The following PIK3C2G variants were observed in gnomAD, a reference collection of about 807,000 sequenced individuals.
PIK3C2G encodes the protein phosphatidylinositol 3-kinase C2 domain-containing subunit gamma.
Under a neutral mutation model 181.1 loss-of-function variants are expected in PIK3C2G, and 168 were observed. The observed-to-expected ratio is 0.93, with a 90% CI of 0.82 to 1.05. The LOEUF (loss-of-function observed/expected upper bound fraction) is 1.05. Ranked by LOEUF, PIK3C2G falls within the 50% of genes least tolerant of loss-of-function variation. PIK3C2G has a pLI of 0.00. For synonymous variants in PIK3C2G, 573 were observed against 592.2 expected, an observed-to-expected ratio of 0.97 and a Z score of 0.47; for missense variants, 1,869 against 1,732.8, an observed-to-expected ratio of 1.08 and a Z score of -1.40.
At chr12:18,613,621 G>A (rs907912637) in intron 31 of PIK3C2G, among the ~76,000 whole-genome samples, 1 of 151,910 alleles carries the variant, frequency 6.6e-6, no homozygotes, top group African/African-American at 2.4e-5. Context: ...AGTATAGATT[G>A]GGCTATCTGC....
At chr12:18,311,317 T>C (rs1333263887) in intron 5 of PIK3C2G, among the ~76,000 whole-genome samples, 3 of 152,034 alleles carry the variant, frequency 2.0e-5, no homozygotes. Flanking sequence ...AAATATAGAA[T>C]ATCCAGTTTT....
chr12:18,273,386 T>C lies in PIK3C2G; in HGVS notation c.-78-8618T>C, dbSNP rs568658094. Among the ~76,000 whole-genome samples, 16 of 152,292 alleles carry C rather than the reference T, an allele frequency of 1.1e-4. No homozygotes were observed. The East Asian group carries it at 2.9e-3, about 28-fold the overall frequency. On this transcript the variant is annotated intron_variant, in intron 1 of 32. Coordinates refer to ENST00000538779, the MANE Select transcript of PIK3C2G (RefSeq NM_001288772.2). ...TTTTGGTTACTGTAGCCTTGTAGTATAGTTTGAAGTCAGGTAGCGTGATGC... is the reference window on the plus strand; with the variant it reads ...TTTTGGTTACTGTAGCCTTGTAGTACAGTTTGAAGTCAGGTAGCGTGATGC...
intron 29 of PIK3C2G, among the ~76,000 whole-genome samples, chr12:18,575,614 G>A (rs1022550831): frequency 2.6e-5 from 4 of 152,142 alleles, no homozygotes; most frequent in African/African-American, 9.6e-5. Context: ...AGCACCTAAG[G>A]AGGTGTACTC....
At chr12:18,461,019 G>A (rs1372006194) in intron 18 of PIK3C2G, among the ~76,000 whole-genome samples, 1 of 151,970 alleles carries the variant, frequency 6.6e-6, no homozygotes, top group African/African-American at 2.4e-5. Context: ...TGATATAGAA[G>A]TGTTAGCCTT....
At chr12:18,577,213 A>T (rs1198256367) in intron 29 of PIK3C2G, among the ~76,000 whole-genome samples, 2 of 152,222 alleles carry the variant, frequency 1.3e-5, no homozygotes, top group African/African-American at 4.8e-5. Flanking sequence ...GAAGCCAGGC[A>T]TGCACAGGCA....
chr12:18,568,169 A>C (rs951511159), intron 29 of PIK3C2G, among the ~76,000 whole-genome samples: 21 of 152,172 alleles, frequency 1.4e-4, no homozygotes, highest in Admixed American at 1.2e-3. Context: ...TAACATATTC[A>C]GTTTCCAGGG....
At chr12:18,426,339 T>A (rs1945815675) in intron 18 of PIK3C2G, among the ~76,000 whole-genome samples, 1 of 152,154 alleles carries the variant, frequency 6.6e-6, no homozygotes, top group Non-Finnish European at 1.5e-5. Context: ...TGTGATTATA[T>A]AATTGAGAGT....
chr12:18,328,898 G>T (rs554659923), intron 8 of PIK3C2G, among the ~76,000 whole-genome samples: 1 of 151,674 alleles, frequency 6.6e-6, no homozygotes, highest in Non-Finnish European at 1.5e-5. Context: ...GGTGGGAAAT[G>T]AGCAAAAAAA....
chr12:18,688,674 T>A, the PIK3C2G span, among the ~76,000 whole-genome samples: 1 of 151,972 alleles, frequency 6.6e-6, no homozygotes, highest in Non-Finnish European at 1.5e-5. Flanking sequence ...AGTTATTTCA[T>A]ATGTATATTA....
downstream of PIK3C2G, among the ~76,000 whole-genome samples, chr12:18,648,742 C>T (rs1364919437): frequency 2.0e-5 from 3 of 152,022 alleles, no homozygotes; most frequent in Admixed American, 2.0e-4. Flanking sequence ...TATCTGTGCA[C>T]ATTATTTTCC....
At chr12:18,706,242 A>AT in the PIK3C2G span, among the ~76,000 whole-genome samples, 1 of 151,084 alleles carries the variant, frequency 6.6e-6, no homozygotes, top group African/African-American at 2.5e-5. Flanking sequence ...AAAAATAAAA[A>AT]TAAAAAAAAA....
intron 31 of PIK3C2G, among the ~76,000 whole-genome samples, chr12:18,633,330 G>A (rs77453141): frequency 0.019 from 2,914 of 152,194 alleles, 119 homozygotes; most frequent in African/African-American, 0.066. Flanking sequence ...TTTGCTATAC[G>A]TACTAAGTGT....
the PIK3C2G span, among the ~76,000 whole-genome samples, chr12:18,692,460 A>G: frequency 6.6e-6 from 1 of 152,194 alleles, no homozygotes; most frequent in Non-Finnish European, 1.5e-5. Flanking sequence ...ACGTTTTGAA[A>G]AGTCTTTACT....
At chr12:18,539,528 T>C (rs1297840163) in intron 25 of PIK3C2G, among the ~76,000 whole-genome samples, 1 of 151,890 alleles carries the variant, frequency 6.6e-6, no homozygotes, top group Admixed American at 6.6e-5. Context: ...TTAATTTTTA[T>C]TAAACAAAAT....
chr12:18,441,884 T>C (rs2135829330), intron 18 of PIK3C2G, among the ~76,000 whole-genome samples: 1 of 152,314 alleles, frequency 6.6e-6, no homozygotes, highest in Middle Eastern at 3.4e-3. Flanking sequence ...CTATTTAAAC[T>C]TCTGATTTAA....
intron 15 of PIK3C2G, among the ~76,000 whole-genome samples, chr12:18,399,104 A>G (rs1310004615): frequency 1.3e-5 from 2 of 148,410 alleles, no homozygotes; most frequent in Non-Finnish European, 3.0e-5. Context: ...CTGAGGCAGG[A>G]GAATGGCGTG....
At chr12:18,338,265 C>T (rs11044029) in intron 8 of PIK3C2G, among the ~76,000 whole-genome samples, 161 bp from the exon 9 acceptor site, 2 of 152,232 alleles carry the variant, frequency 1.3e-5, no homozygotes, top group African/African-American at 4.8e-5. Context: ...AAGCCCCAGT[C>T]ACAGGATAAC....
At chr12:18,383,451 G>A (rs1942970444) in intron 14 of PIK3C2G, among the ~76,000 whole-genome samples, 1 of 152,076 alleles carries the variant, frequency 6.6e-6, no homozygotes, top group Non-Finnish European at 1.5e-5. Flanking sequence ...AAAAGTCTGG[G>A]GACAGACACC....
chr12:18,274,727 A>G (rs1409554215), intron 1 of PIK3C2G, among the ~76,000 whole-genome samples: 2 of 152,180 alleles, frequency 1.3e-5, no homozygotes, highest in Middle Eastern at 3.2e-3. Flanking sequence ...TGGGTGCAGC[A>G]CACCAACATG....
Sources: gnomAD v4.1 joint callset for allele counts (sites outside exome capture counted in the v4.1 genomes callset) on GRCh38, gnomAD v4.1.1 for gene constraint, MANE v1.5 for transcripts, NCBI Gene and HGNC (gene_info 2026-07-23, HGNC 2026-07-21) for gene names.